The following ATRX variants were observed in gnomAD, a reference collection of about 807,000 sequenced individuals.
ATRX encodes the protein ATRX chromatin remodeler.
ATRX carries 12 observed loss-of-function variants against 172.6 expected under a neutral mutation model. The observed-to-expected ratio is 0.07, with a 90% CI of 0.04 to 0.11. ATRX has a LOEUF of 0.11. ATRX is among the 10% of genes least tolerant of loss of function. The pLI, the probability that ATRX is intolerant of heterozygous loss-of-function variation, is 1.00. For missense variants in ATRX, 1,368 were observed against 1,767.4 expected, an observed-to-expected ratio of 0.77 and a Z score of 4.05; for synonymous variants, 674 against 594.7, an observed-to-expected ratio of 1.13 and a Z score of -1.94.
intron 1 of ATRX, among the ~76,000 whole-genome samples, chrX:77,755,241 T>C (rs929871344): frequency 8.9e-5 from 10 of 112,624 alleles, no homozygotes; most frequent in African/African-American, 3.2e-4. Flanking sequence ...TGTAACCTTT[T>C]ATCAAGTTCC....
At chrX:77,715,784 G>A (rs1406699491) in intron 2 of ATRX, among the ~76,000 whole-genome samples, 8 of 111,019 alleles carry the variant, frequency 7.2e-5, no homozygotes, top group East Asian at 2.8e-4. Context: ...TGCTCAGCCC[G>A]TATCTCTCCA....
At chrX:77,574,862 G>A (rs2065552694) in intron 27 of ATRX, among the ~76,000 whole-genome samples, 1 of 110,295 alleles carries the variant, frequency 9.1e-6, no homozygotes, top group African/African-American at 3.3e-5. Flanking sequence ...TTCAGTGTAC[G>A]TTTCCATTTC....
chrX:77,564,127 C>G (rs367788693), intron 28 of ATRX, among the ~76,000 whole-genome samples: 1 of 111,696 alleles, frequency 9.0e-6, no homozygotes, highest in Non-Finnish European at 1.9e-5. Flanking sequence ...TTCAGGAGCA[C>G]CCTCACAGAC....
At chrX:77,662,990 T>C (rs1298624560) in intron 12 of ATRX, among the ~76,000 whole-genome samples, 1 of 112,271 alleles carries the variant, frequency 8.9e-6, no homozygotes, top group African/African-American at 3.2e-5. Context: ...CCACCGTGCC[T>C]GGCCATACAC....
chrX:77,583,774 G>A (rs2065912888), intron 27 of ATRX, among the ~76,000 whole-genome samples: 2 of 111,556 alleles, frequency 1.8e-5, no homozygotes. Flanking sequence ...ATTCAACATA[G>A]TAGTGGAAGT....
At chrX:77,562,555 C>CT (rs2147969455) in intron 28 of ATRX, among the ~76,000 whole-genome samples, 1 of 111,220 alleles carries the variant, frequency 9.0e-6, no homozygotes, top group Non-Finnish European at 1.9e-5. Flanking sequence ...CATTTTCTTT[C>CT]TTTTTTAGAG....
intron 22 of ATRX, among the ~76,000 whole-genome samples, chrX:77,612,474 G>C (rs1452484556): frequency 9.0e-6 from 1 of 110,516 alleles, no homozygotes; most frequent in Non-Finnish European, 1.9e-5. Context: ...TCCATGTGGG[G>C]CTTGAAAACT....
At chrX:77,741,619 G>A (rs1557182227) in intron 1 of ATRX, among the ~76,000 whole-genome samples, 1 of 110,381 alleles carries the variant, frequency 9.1e-6, no homozygotes, top group Non-Finnish European at 1.9e-5. Context: ...GCGCCACCAT[G>A]CCCAGCTAAT....
intron 25 of ATRX, among the ~76,000 whole-genome samples, chrX:77,599,010 T>A (rs1275310381): frequency 8.9e-6 from 1 of 111,893 alleles, no homozygotes; most frequent in Non-Finnish European, 1.9e-5. Flanking sequence ...TCCCATACAG[T>A]TAAGTGAAAA....
chrX:77,783,383 A>G (rs1309767155), intron 1 of ATRX, among the ~76,000 whole-genome samples: 1 of 111,953 alleles, frequency 8.9e-6, no homozygotes, highest in Non-Finnish European at 1.9e-5. Context: ...AAACAACCAA[A>G]AAAATCCTTT....
Position 77,682,450 on chromosome X carries a change from C to A in ATRX, c.2806G>T (p.Val936Phe), listed in dbSNP as rs149232501. ...GKEESFTSLE[V>F]RKVAETKEKS... ...TCTTTAGTTTCAGCAACTTTTCTAA[C>A]TTCCAAAGAAGTAAAACTCTCCTCT... Residue 936 changes from valine to phenylalanine, a missense_variant, in exon 9 of 35, where the codon GTT becomes TTT. By Grantham distance (50) the Val-to-Phe change is conservative. Transcript: ENST00000373344. 1.7e-6 allele frequency: 2 copies of A among 1,211,303 alleles called. No homozygotes were observed. Among genetic ancestry groups the A allele is most frequent in the Middle Eastern group, 4.6e-4 (2 of 4,354 alleles).
chrX:77,630,898 T>G (rs189916241), intron 19 of ATRX, among the ~76,000 whole-genome samples: 8 of 111,301 alleles, frequency 7.2e-5, no homozygotes, highest in African/African-American at 2.6e-4. Flanking sequence ...AATCAAAATT[T>G]TAAAGATTAG....
chrX:77,714,981 G>A (rs1269297347), intron 2 of ATRX, among the ~76,000 whole-genome samples: 1 of 111,632 alleles, frequency 9.0e-6, no homozygotes, highest in African/African-American at 3.3e-5. Flanking sequence ...GTATTTTGGT[G>A]TTGCCATTTC....
chrX:77,527,530 C>G (rs1347591542), intron 30 of ATRX, among the ~76,000 whole-genome samples: 1 of 112,257 alleles, frequency 8.9e-6, no homozygotes, highest in Non-Finnish European at 1.9e-5. Context: ...GACCTTGGGT[C>G]TGATACACAG....
chrX:77,708,436 A>G (rs1557158501), intron 2 of ATRX, among the ~76,000 whole-genome samples: 1 of 112,265 alleles, frequency 8.9e-6, no homozygotes, highest in East Asian at 2.8e-4. Flanking sequence ...TGAGGTGGGC[A>G]GATGACTTGA....
At chrX:77,692,607 G>C (rs2071952816) in intron 6 of ATRX, among the ~76,000 whole-genome samples, 1 of 111,497 alleles carries the variant, frequency 9.0e-6, no homozygotes, top group Non-Finnish European at 1.9e-5. Flanking sequence ...TATATAATCT[G>C]ATCAATATTA....
intron 27 of ATRX, among the ~76,000 whole-genome samples, chrX:77,578,502 C>T (rs957846364): frequency 3.6e-5 from 4 of 112,203 alleles, no homozygotes; most frequent in South Asian, 7.5e-4. Flanking sequence ...TGGGCAGAAT[C>T]GTGAAGCCCC....
intron 1 of ATRX, among the ~76,000 whole-genome samples, chrX:77,784,604 C>T (rs782811790): frequency 1.8e-5 from 2 of 111,485 alleles, no homozygotes; most frequent in Non-Finnish European, 1.9e-5. Flanking sequence ...TGCCTAATAC[C>T]CCACAGATAA....
In ATRX at chrX:77,559,926, G is replaced by A. The variant is rs45453797; in HGVS notation, c.6327-1080C>T. Reference sequence around the variant, plus strand: ...CAAGTGGCTTACAAATATTTACGTAGCCACAATAAAGAAAATACTGCAAAT... The same window carrying A: ...CAAGTGGCTTACAAATATTTACGTAACCACAATAAAGAAAATACTGCAAAT... On this transcript the variant is annotated intron_variant, in intron 28 of 34. Transcript: ENST00000373344. 5.8e-4 allele frequency among the ~76,000 whole-genome samples: 65 copies of A among 111,975 alleles called. 2 individuals are homozygous for A. In the East Asian group the frequency reaches 0.018, roughly 30 times the overall value.
Sources: gnomAD v4.1 joint callset for allele counts (sites outside exome capture counted in the v4.1 genomes callset) on GRCh38, gnomAD v4.1.1 for gene constraint, MANE v1.5 for transcripts, NCBI Gene and HGNC (gene_info 2026-07-23, HGNC 2026-07-21) for gene names.